ZBTB8A: variants seen among roughly 807,000 people sequenced by gnomAD.
ZBTB8A encodes the protein zinc finger and BTB domain containing 8A.
ZBTB8A carries 19 observed loss-of-function variants against 37.8 expected under a neutral mutation model. The ratio of observed to expected loss-of-function variants is 0.50; its 90% CI spans 0.35 to 0.74. The LOEUF (loss-of-function observed/expected upper bound fraction) is 0.74, where lower values mean the gene tolerates loss of function less well. Among genes scored for constraint, ZBTB8A ranks in the 30% least tolerant of loss-of-function variants. The pLI, the probability that ZBTB8A is intolerant of heterozygous loss-of-function variation, is 0.01. For missense variants in ZBTB8A, 394 were observed against 537.8 expected (o/e 0.73, Z 2.65); for synonymous variants, 181 against 185.2 (o/e 0.98, Z 0.19).
chr1:32,600,610 G>A lies in ZBTB8A; in HGVS notation c.*191G>A, dbSNP rs182402666. 452 of 557,142 alleles carry A rather than the reference G, an allele frequency of 8.1e-4. 3 individuals carry two copies. The highest frequency in any genetic ancestry group is 3.8e-3 in the South Asian group (160 of 41,600). 34.5% of individuals were successfully genotyped at this position (557,142 alleles called of 1,614,324 possible). The stretch of plus-strand genomic sequence containing the variant: ...GAACTTTGTTGCCCTAAAATGTGTT[G>A]CTGCACTGGAAAGAAAGAACTAGCT... On this transcript the variant is annotated 3_prime_UTR_variant, in exon 5 of 5. Transcript: ENST00000373510.
At chr1:32,597,153 C>T (rs1328117302) in intron 4 of ZBTB8A, among the ~76,000 whole-genome samples, 4 of 151,912 alleles carry the variant, frequency 2.6e-5, no homozygotes, top group Non-Finnish European at 5.9e-5. Context: ...ACTACAGGTG[C>T]CCACCTAGTT....
intron 1 of ZBTB8A, among the ~76,000 whole-genome samples, chr1:32,546,999 T>G (rs1289682325): frequency 1.3e-5 from 2 of 151,942 alleles, no homozygotes; most frequent in Non-Finnish European, 2.9e-5. Context: ...CCTCTCAGGC[T>G]CAAGTGATCC....
At chr1:32,539,704 TCC>T (rs1177638356) in intron 1 of ZBTB8A, 132 bp downstream of exon 1, 133 of 986 alleles carry the variant, frequency 0.13, no homozygotes, top group Admixed American at 0.15. Flanking sequence ...CGGGCGCGCC[TCC>T]CCCAGACGTC....
intron 2 of ZBTB8A, among the ~76,000 whole-genome samples, chr1:32,586,612 C>CTG (rs60625859): frequency 0.12 from 18,101 of 151,816 alleles, 1,152 homozygotes; most frequent in African/African-American, 0.18. Context: ...AATGTGAGCT[C>CTG]TGTTTATCTG....
At chr1:32,549,671 G>C (rs772002121) in intron 1 of ZBTB8A, among the ~76,000 whole-genome samples, 2 of 151,980 alleles carry the variant, frequency 1.3e-5, no homozygotes, top group Non-Finnish European at 2.9e-5. Flanking sequence ...TCGAGTTTAC[G>C]GTGAGCTGGG....
At chr1:32,541,381 G>C (rs186479715) in intron 1 of ZBTB8A, among the ~76,000 whole-genome samples, 3 of 152,118 alleles carry the variant, frequency 2.0e-5, no homozygotes, top group East Asian at 1.9e-4. Flanking sequence ...TGCACTTGCC[G>C]TTCCCTTTGC....
intron 2 of ZBTB8A, among the ~76,000 whole-genome samples, chr1:32,585,472 T>C (rs748072062): frequency 6.6e-6 from 1 of 152,038 alleles, no homozygotes; most frequent in Non-Finnish European, 1.5e-5. Flanking sequence ...ATAAAATCCA[T>C]GAGCAGTAGG....
intron 2 of ZBTB8A, among the ~76,000 whole-genome samples, chr1:32,577,430 G>A (rs900501010): frequency 3.3e-5 from 5 of 150,512 alleles, no homozygotes; most frequent in African/African-American, 4.9e-5. Flanking sequence ...GATTACAGGC[G>A]TGAGCCACTG....
intron 4 of ZBTB8A, among the ~76,000 whole-genome samples, chr1:32,596,319 G>A (rs1321485482): frequency 2.7e-5 from 4 of 150,732 alleles, no homozygotes; most frequent in Non-Finnish European, 5.9e-5. Context: ...GCAGTGAGCC[G>A]AGATTGCATC....
chr1:32,546,068 G>C (rs1644101295), intron 1 of ZBTB8A, among the ~76,000 whole-genome samples: 1 of 152,124 alleles, frequency 6.6e-6, no homozygotes, highest in Non-Finnish European at 1.5e-5. Flanking sequence ...GTATAGTCTG[G>C]TATAGAGTAG....
intron 2 of ZBTB8A, among the ~76,000 whole-genome samples, chr1:32,555,970 G>A (rs1341900999): frequency 6.6e-6 from 1 of 151,390 alleles, no homozygotes; most frequent in African/African-American, 2.4e-5. Flanking sequence ...GTGCAGTGGA[G>A]CAATCACTGC....
At chr1:32,548,635 C>G (rs553978486) in intron 1 of ZBTB8A, among the ~76,000 whole-genome samples, 1 of 152,164 alleles carries the variant, frequency 6.6e-6, no homozygotes, top group African/African-American at 2.4e-5. Flanking sequence ...TTCTGTATCC[C>G]CATTTGTATA....
chr1:32,543,746 G>C (rs534892102), intron 1 of ZBTB8A, among the ~76,000 whole-genome samples: 1 of 151,990 alleles, frequency 6.6e-6, no homozygotes, highest in Non-Finnish European at 1.5e-5. Context: ...GCGCGATCTC[G>C]GCTCACTGCA....
At chr1:32,558,300 C>T (rs1249375632) in intron 2 of ZBTB8A, among the ~76,000 whole-genome samples, 1 of 152,018 alleles carries the variant, frequency 6.6e-6, no homozygotes, top group East Asian at 1.9e-4. Flanking sequence ...AGCATCTAGC[C>T]ACCTGGCCAT....
At position 32,593,324 on chromosome 1, in the gene ZBTB8A, C is replaced by T. The variant is rs1317958423; in HGVS notation, c.393C>T (p.Arg131=). The stretch of plus-strand genomic sequence containing the variant: ...ACATTAGTGAGAAAGAAAAAGATCG[C>T]TATTTCAGTCTCTCAGATAAAGATG... The part of the protein sequence containing the change: ...SLDISEKEKD[R]YFSLSDKDAN... Residue 131 remains arginine, a synonymous_variant, in exon 3 of 5, where the codon CGC becomes CGT. Coordinates refer to ENST00000373510, the MANE Select transcript of ZBTB8A (RefSeq NM_001040441.3). The T allele has an allele frequency of 6.2e-7, 1 of 1,614,146 alleles. No individual in the cohort carries two copies. The highest frequency in any genetic ancestry group is 1.7e-5 in the Admixed American group (1 of 59,998).
intron 4 of ZBTB8A, 139 bp from the exon 5 acceptor site, chr1:32,599,948 A>G: frequency 3.1e-6 from 2 of 649,280 alleles, no homozygotes; most frequent in South Asian, 2.3e-5. Context: ...AAAACCCTTG[A>G]TCTTTCTCTA....
At chr1:32,595,029 A>G (rs777682386) in intron 3 of ZBTB8A, 25 bp from the exon 4 acceptor site, 8 of 1,597,754 alleles carry the variant, frequency 5.0e-6, no homozygotes, top group Non-Finnish European at 6.0e-6. Flanking sequence ...CTTTCCAGTG[A>G]TTTAATCAAA....
At chr1:32,558,475 A>ACACACACACAC (rs768838338) in intron 2 of ZBTB8A, among the ~76,000 whole-genome samples, 1 of 151,544 alleles carries the variant, frequency 6.6e-6, no homozygotes, top group Non-Finnish European at 1.5e-5. Flanking sequence ...ACACACACAC[A>ACACACACACAC]AATGGAAGTA....
At chr1:32,554,389 G>GTATCCTTAT in intron 2 of ZBTB8A, among the ~76,000 whole-genome samples, 1 of 151,454 alleles carries the variant, frequency 6.6e-6, no homozygotes, top group Non-Finnish European at 1.5e-5. Flanking sequence ...GAGGTGTAGT[G>GTATCCTTAT]TATCCTTATG....
Sources: gnomAD v4.1 joint callset for allele counts (sites outside exome capture counted in the v4.1 genomes callset) on GRCh38, gnomAD v4.1.1 for gene constraint, MANE v1.5 for transcripts, NCBI Gene and HGNC (gene_info 2026-07-23, HGNC 2026-07-21) for gene names.